RALGAPA2: variants seen among roughly 807,000 people sequenced by gnomAD.
RALGAPA2 encodes the protein Ral GTPase activating protein catalytic subunit alpha 2.
A neutral mutation model predicts 230.4 loss-of-function variants in RALGAPA2; 139 were observed. The observed-to-expected ratio is 0.60, with a 90% confidence interval of 0.53 to 0.69. The LOEUF (loss-of-function observed/expected upper bound fraction) is 0.69. RALGAPA2 is among the 30% of genes least tolerant of loss of function. The pLI is 0.00. For missense variants in RALGAPA2, 2,163 were observed against 2,276.0 expected (o/e 0.95, Z 1.01); for synonymous variants, 847 against 837.8 (o/e 1.01, Z -0.19).
chr20:20,670,007 G>A (rs1056644584), intron 3 of RALGAPA2, among the ~76,000 whole-genome samples: 10 of 152,122 alleles, frequency 6.6e-5, no homozygotes, highest in Non-Finnish European at 1.3e-4. Flanking sequence ...TATCACTTCT[G>A]AAAAGAACCA....
intron 36 of RALGAPA2, among the ~76,000 whole-genome samples, chr20:20,480,958 G>A (rs1337173513): frequency 6.6e-6 from 1 of 152,158 alleles, no homozygotes; most frequent in African/African-American, 2.4e-5. Context: ...CTGCAGATTA[G>A]GAGCTGCTTG....
chr20:20,478,076 C>T (rs1017851765), intron 36 of RALGAPA2, among the ~76,000 whole-genome samples: 2 of 152,118 alleles, frequency 1.3e-5, no homozygotes, highest in African/African-American at 4.8e-5. Context: ...TATTCTGTGC[C>T]TAAAAAGCTA....
At chr20:20,459,261 T>A (rs544265045) in intron 37 of RALGAPA2, among the ~76,000 whole-genome samples, 27 of 152,288 alleles carry the variant, frequency 1.8e-4, no homozygotes, top group African/African-American at 5.5e-4. Context: ...CACTATTGAA[T>A]ATAAAATACT....
At chr20:20,678,605 C>T (rs917471749) in intron 2 of RALGAPA2, among the ~76,000 whole-genome samples, 2 of 152,126 alleles carry the variant, frequency 1.3e-5, no homozygotes, top group African/African-American at 2.4e-5. Context: ...CAACTCACTT[C>T]CCCCAACACC....
At chr20:20,395,683 G>A (rs774390779) in intron 39 of RALGAPA2, among the ~76,000 whole-genome samples, 4 of 152,304 alleles carry the variant, frequency 2.6e-5, no homozygotes, top group African/African-American at 7.2e-5. Flanking sequence ...CCTTGGGTGA[G>A]GGGAAGAGAA....
At chr20:20,458,629 A>G (rs1251760737) in intron 37 of RALGAPA2, among the ~76,000 whole-genome samples, 2 of 137,516 alleles carry the variant, frequency 1.5e-5, no homozygotes, top group Non-Finnish European at 3.1e-5. Context: ...ACTAAGAAAG[A>G]GAAGGAGAGG....
intron 36 of RALGAPA2, among the ~76,000 whole-genome samples, chr20:20,486,591 T>C (rs1463563000): frequency 2.0e-5 from 3 of 152,286 alleles, no homozygotes; most frequent in East Asian, 1.9e-4. Flanking sequence ...TTTTGATATT[T>C]ATTCTGCTTG....
At chr20:20,698,483 G>A (rs1373314437) in intron 1 of RALGAPA2, among the ~76,000 whole-genome samples, 10 of 152,052 alleles carry the variant, frequency 6.6e-5, no homozygotes, top group Admixed American at 2.6e-4. Flanking sequence ...TCCATATCCC[G>A]GGTTCAAGTG....
At chr20:20,475,130 C>T (rs1038576844) in intron 36 of RALGAPA2, among the ~76,000 whole-genome samples, 2 of 152,078 alleles carry the variant, frequency 1.3e-5, no homozygotes, top group Non-Finnish European at 1.5e-5. Flanking sequence ...ATGTGGGTCT[C>T]CATCCTAGGT....
rs112152702 is a variant in RALGAPA2 at position 20,465,502 on chromosome 20, G to A, written c.5495+7327C>T. Among the ~76,000 whole-genome samples the A allele has an allele frequency of 1.5e-4, 23 of 152,318 alleles. 3 individuals carry two copies. Among genetic ancestry groups the A allele is most frequent in the African/African-American group, 5.5e-4 (23 of 41,584 alleles). On this transcript the variant is annotated intron_variant, in intron 37 of 39. Coordinates refer to ENST00000202677, the MANE Select transcript of RALGAPA2 (RefSeq NM_020343.4). ...TAGTGAGATGCAGTGACCCACTGGG[G>A]ATGGAGCTGAGAGAGGGGGGAAAGA...
chr20:20,513,427 G>T, intron 31 of RALGAPA2, 143 bp from the exon 32 acceptor site: 1 of 557,884 alleles, frequency 1.8e-6, no homozygotes, highest in Non-Finnish European at 2.7e-6. Context: ...CTTGGAAATA[G>T]CAAGATAGTG....
At chr20:20,427,507 C>T (rs1280005584) in intron 37 of RALGAPA2, among the ~76,000 whole-genome samples, 1 of 152,008 alleles carries the variant, frequency 6.6e-6, no homozygotes, top group Non-Finnish European at 1.5e-5. Context: ...AGAACTCCCT[C>T]CGACCGGCTA....
At chr20:20,602,842 G>A (rs1018883599) in intron 15 of RALGAPA2, among the ~76,000 whole-genome samples, 1 of 150,230 alleles carries the variant, frequency 6.7e-6, no homozygotes, top group East Asian at 2.0e-4. Flanking sequence ...GTGTGTGTGT[G>A]TGTAGTGTAT....
intron 37 of RALGAPA2, among the ~76,000 whole-genome samples, chr20:20,453,642 G>A (rs146974764): frequency 9.4e-4 from 143 of 152,290 alleles, no homozygotes; most frequent in African/African-American, 3.1e-3. Flanking sequence ...TCTGTGGGAC[G>A]CCTTGAGGCT....
At chr20:20,631,084 C>T (rs985015456) in intron 9 of RALGAPA2, among the ~76,000 whole-genome samples, 24 of 152,308 alleles carry the variant, frequency 1.6e-4, no homozygotes, top group African/African-American at 5.1e-4. Flanking sequence ...TAGCCACTAT[C>T]AGACCCGGGC....
chr20:20,582,391 C>T (rs1568607482), intron 20 of RALGAPA2, among the ~76,000 whole-genome samples: 1 of 151,980 alleles, frequency 6.6e-6, no homozygotes, highest in South Asian at 2.1e-4. Flanking sequence ...CTCGGAGGTG[C>T]CTGGAAGCCG....
At chr20:20,700,178 C>T (rs1036234077) in intron 1 of RALGAPA2, among the ~76,000 whole-genome samples, 1 of 152,064 alleles carries the variant, frequency 6.6e-6, no homozygotes, top group Non-Finnish European at 1.5e-5. Flanking sequence ...CAGCTGGAGG[C>T]CATAAACCTA....
Position 20,678,612 on chromosome 20 carries a change from C to T in RALGAPA2, c.217+2079G>A, listed in dbSNP as rs555113326. Among the ~76,000 whole-genome samples the T allele has an allele frequency of 3.3e-5, 5 of 152,262 alleles. No homozygotes were observed. The East Asian group carries it at 9.7e-4, about 29-fold the overall frequency. On this transcript the variant is annotated intron_variant, in intron 2 of 39. Coordinates refer to ENST00000202677, the MANE Select transcript of RALGAPA2 (RefSeq NM_020343.4). ...ACCTGTCTCAACTCACTTCCCCCAA[C>T]ACCTGCACCATTAGTTATCTCCCCC...
chr20:20,515,214 C>T (rs573500714), intron 31 of RALGAPA2, among the ~76,000 whole-genome samples: 40 of 152,350 alleles, frequency 2.6e-4, no homozygotes, highest in African/African-American at 9.4e-4. Context: ...TACCCATAAA[C>T]ACCATCTACT....
Sources: allele counts gnomAD v4.1 joint callset (sites outside exome capture counted in the v4.1 genomes callset), GRCh38; gene constraint gnomAD v4.1.1; transcripts MANE v1.5; gene names NCBI Gene and HGNC (gene_info 2026-07-23, HGNC 2026-07-21).